The following ARID1B variants were observed in gnomAD, a reference collection of about 807,000 sequenced individuals.
The protein encoded by ARID1B is AT-rich interactive domain-containing protein 1B.
A neutral mutation model predicts 212.3 loss-of-function variants in ARID1B; 30 were observed. The observed-to-expected ratio is 0.14, with a 90% confidence interval of 0.11 to 0.19. The LOEUF (loss-of-function observed/expected upper bound fraction) is 0.19. Ranked by LOEUF, ARID1B falls within the 10% of genes least tolerant of loss-of-function variation. The pLI is 1.00. For missense variants in ARID1B, 2,891 were observed against 3,204.0 expected (o/e 0.90, Z 2.36); for synonymous variants, 1,402 against 1,301.7 (o/e 1.08, Z -1.66).
Position 157,206,687 on chromosome 6 carries a change from C to G in ARID1B, c.5915C>G (p.Pro1972Arg), listed in dbSNP as rs202194222. Residue 1972 changes from proline (P) to arginine (R), a missense_variant, in exon 20 of 20, where the codon CCC becomes CGC. This residue lies in a region of ARID1B where 332 missense variants were observed against 369.2 expected (regional missense o/e 0.90). Coordinates refer to ENST00000636930, the MANE Select transcript of ARID1B (RefSeq NM_001374828.1). This position sits in a 1 kb window ranked among gnomAD's most constrained non-coding sequence, Gnocchi z 6.8. ...CCTCCTCGCAGGCGCCCACCTCCCC[C>G]CTTAAGCTCCGCAGGTAGAAAGAAA... ...EIPPRRRPPP[P>R]LSSAGRKKEQ... The G allele has an allele frequency of 4.5e-5, 72 of 1,612,854 alleles. No homozygotes were observed. Among genetic ancestry groups the G allele is most frequent in the African/African-American group, 3.3e-4 (25 of 74,968 alleles).
chr6:157,130,297 A>T (rs1056515634), intron 6 of ARID1B, among the ~76,000 whole-genome samples: 2 of 152,246 alleles, frequency 1.3e-5, no homozygotes, highest in African/African-American at 4.8e-5. Context: ...AAGGAAGAAA[A>T]AGCAATCGTT....
intron 4 of ARID1B, among the ~76,000 whole-genome samples, chr6:157,080,703 T>C (rs1784584735): frequency 6.6e-6 from 1 of 152,232 alleles, no homozygotes. Context: ...GGCATTTCAT[T>C]CTAAGCACAG....
chr6:156,807,094 A>G (rs1781216479), intron 1 of ARID1B, among the ~76,000 whole-genome samples: 1 of 152,166 alleles, frequency 6.6e-6, no homozygotes, highest in Non-Finnish European at 1.5e-5. Context: ...CAACCCCTGG[A>G]CAGCGTGCGT....
At chr6:156,883,171 C>T (rs547613826) in intron 2 of ARID1B, among the ~76,000 whole-genome samples, 81 of 152,332 alleles carry the variant, frequency 5.3e-4, no homozygotes, top group African/African-American at 1.8e-3. Context: ...AAATCTTCCT[C>T]GTCAGCTTGC....
rs985372959 is a variant in ARID1B, at chr6:157,201,759, G to C, written c.5263+271G>C. ...AGGCGGGTGGATCACGAGGTCACGAGATCGAGACCATCCTGGATAACACGG... is the reference window on the plus strand; with the variant it reads ...AGGCGGGTGGATCACGAGGTCACGACATCGAGACCATCCTGGATAACACGG... On this transcript the variant is annotated intron_variant, in intron 18 of 19. Transcript: ENST00000636930. The surrounding 1 kb of genome is among the most constrained non-coding windows in gnomAD (Gnocchi z 5.2). 6.6e-6 allele frequency among the ~76,000 whole-genome samples: 1 copy of C among 152,220 alleles called. No homozygotes were observed. Among genetic ancestry groups the C allele is most frequent in the Non-Finnish European group, 1.5e-5 (1 of 68,034 alleles).
intron 2 of ARID1B, among the ~76,000 whole-genome samples, chr6:156,893,906 A>G (rs1289732298): frequency 6.6e-6 from 1 of 152,146 alleles, no homozygotes; most frequent in African/African-American, 2.4e-5. Context: ...TAAACATAGA[A>G]TTACCATATA....
intron 2 of ARID1B, among the ~76,000 whole-genome samples, chr6:156,884,897 C>A (rs1381686430): frequency 6.6e-6 from 1 of 152,136 alleles, no homozygotes; most frequent in Non-Finnish European, 1.5e-5. Context: ...TCGGGGAAGT[C>A]CTTCCGGACT....
chr6:156,851,248 C>G (rs566951758), intron 2 of ARID1B, among the ~76,000 whole-genome samples: 1 of 152,314 alleles, frequency 6.6e-6, no homozygotes, highest in East Asian at 1.9e-4. Flanking sequence ...GATCTTAAGA[C>G]TTCGAGGAGG....
Position 157,167,421 on chromosome 6 carries a change from T to C in ARID1B, c.3235+236T>C, listed in dbSNP as rs1791414283. The stretch of plus-strand genomic sequence containing the variant: ...TGTGTTTGTATAACAAGTGGACATA[T>C]TTCAAGTATTATTGGAGATTGTTAA... On this transcript the variant is annotated intron_variant, in intron 9 of 19. Coordinates refer to ENST00000636930, the MANE Select transcript of ARID1B (RefSeq NM_001374828.1). The C allele has an allele frequency of 7.9e-6, 3 of 381,008 alleles. No homozygotes were observed. The South Asian group carries it at 2.1e-4, about 27-fold the overall frequency. The allele number at this position is 381,008 out of a possible 1,614,324, so 23.6% of individuals were successfully genotyped here.
chr6:156,777,798 C>G lies in ARID1B; in HGVS notation c.118C>G (p.Leu40Val), dbSNP rs1348514437. ...GPRPAPGARD[L>V]EAGARGAAAA... is the part of the protein sequence containing the mutation. ...GCGGCCGGCGCCCGGAGCCCGGGACCTGGAGGCGGGGGCGCGCGGCGCGGC... is the reference window on the plus strand; with the variant it reads ...GCGGCCGGCGCCCGGAGCCCGGGACGTGGAGGCGGGGGCGCGCGGCGCGGC... The change falls in exon 1 of 20, where the codon CTG (leucine) becomes GTG (valine). Residue 40 changes from leucine to valine, a missense_variant. Around this residue, in one of 7 missense-constraint regions of ARID1B, gnomAD observed 1,643 missense variants for 1,544.0 expected, o/e 1.06. Coordinates refer to ENST00000636930, the MANE Select transcript of ARID1B (RefSeq NM_001374828.1). 1 of 961,110 alleles carries G rather than the reference C, an allele frequency of 1.0e-6. No homozygotes were observed. Among genetic ancestry groups the G allele is most frequent in the African/African-American group, 1.8e-5 (1 of 55,398 alleles). The allele number at this position is 961,110 out of a possible 1,614,324, so 59.5% of individuals were successfully genotyped here. A position where few individuals can be genotyped will look rare whatever the true frequency, so the allele number is the denominator to read the frequency against.
intron 8 of ARID1B, among the ~76,000 whole-genome samples, chr6:157,159,586 G>T (rs1790795923): frequency 1.3e-5 from 2 of 152,246 alleles, no homozygotes; most frequent in Non-Finnish European, 2.9e-5. Flanking sequence ...TCTGTGTGAA[G>T]TATGAACAAA....
chr6:156,790,058 C>T (rs146651612), intron 1 of ARID1B, among the ~76,000 whole-genome samples: 5 of 152,186 alleles, frequency 3.3e-5, no homozygotes, highest in African/African-American at 4.8e-5. Context: ...AGTTCTAATC[C>T]ATACCATGGC....
intron 3 of ARID1B, among the ~76,000 whole-genome samples, chr6:156,922,772 A>G (rs1278093706): frequency 6.6e-6 from 1 of 152,186 alleles, no homozygotes; most frequent in Non-Finnish European, 1.5e-5. Flanking sequence ...CTCCCAGACA[A>G]ATACATGCAT....
chr6:156,814,974 G>A (rs1397599035), intron 1 of ARID1B, among the ~76,000 whole-genome samples: 1 of 152,018 alleles, frequency 6.6e-6, no homozygotes, highest in Non-Finnish European at 1.5e-5. Context: ...ATATTAAATA[G>A]TGAGCAAGAA....
chr6:157,001,759 G>A (rs991131268), intron 4 of ARID1B, among the ~76,000 whole-genome samples: 7 of 152,170 alleles, frequency 4.6e-5, no homozygotes, highest in Admixed American at 6.5e-5. Context: ...GCCCTTGGCC[G>A]ATTGACTCAT....
intron 4 of ARID1B, among the ~76,000 whole-genome samples, chr6:157,062,073 A>C (rs574412937): frequency 6.6e-6 from 1 of 152,332 alleles, no homozygotes; most frequent in East Asian, 1.9e-4. Flanking sequence ...TTTGGAGATA[A>C]TAAAATGTTT....
At chr6:156,970,363 A>C (rs1776845037) in intron 4 of ARID1B, among the ~76,000 whole-genome samples, 1 of 152,138 alleles carries the variant, frequency 6.6e-6, no homozygotes, top group African/African-American at 2.4e-5. Flanking sequence ...GATTACAGGC[A>C]TGAGCCACCT....
At chr6:157,013,494 T>C (rs138700627) in intron 4 of ARID1B, among the ~76,000 whole-genome samples, 2 of 152,346 alleles carry the variant, frequency 1.3e-5, no homozygotes, top group East Asian at 3.9e-4. Flanking sequence ...AGGTGCATTA[T>C]TACTGCTTCA....
intron 7 of ARID1B, among the ~76,000 whole-genome samples, chr6:157,147,786 C>G (rs1789891960): frequency 1.1e-5 from 1 of 92,972 alleles, no homozygotes; most frequent in Non-Finnish European, 2.1e-5. Context: ...CGGCCCTGCC[C>G]TCCGTCCCTC....
Sources: gnomAD v4.1 joint callset for allele counts (sites outside exome capture counted in the v4.1 genomes callset) on GRCh38, gnomAD v4.1.1 for gene constraint, gnomAD v4.1.1 regional missense constraint, Gnocchi (gnomAD v3.1) non-coding constraint, MANE v1.5 for transcripts, NCBI Gene and HGNC (gene_info 2026-07-23, HGNC 2026-07-21) for gene names.